Variants in PKM observed in about 807,000 individuals in gnomAD.
PKM encodes pyruvate kinase M1/2, also known as pyruvate kinase PKM.
A neutral mutation model predicts 49.8 loss-of-function variants in PKM; 18 were observed. That is an observed-to-expected ratio of 0.36 (90% CI 0.25 to 0.54). The LOEUF is 0.54. Ranked by LOEUF, PKM falls within the 20% of genes least tolerant of loss-of-function variation. PKM has a pLI of 0.89. For missense variants in PKM, 508 were observed against 713.8 expected, an observed-to-expected ratio of 0.71 and a Z score of 3.28; for synonymous variants, 239 against 261.8, an observed-to-expected ratio of 0.91 and a Z score of 0.84.
chr15:72,229,531 C>T, intron 1 of PKM: 2 of 1,283,472 alleles, frequency 1.6e-6, no homozygotes, highest in Non-Finnish European at 2.0e-6. Context: ...ATTAAGAAGC[C>T]AAGGGATGCC....
intron 1 of PKM, chr15:72,221,228 C>A (rs773706006): frequency 2.6e-6 from 4 of 1,535,544 alleles, no homozygotes; most frequent in Non-Finnish European, 3.5e-6. Context: ...CTCAGGGTGG[C>A]TCCTTGGCCT....
chr15:72,208,980 G>C, intron 5 of PKM, 89 bp from the exon 6 acceptor site: 1 of 1,383,138 alleles, frequency 7.2e-7, no homozygotes, highest in South Asian at 1.2e-5. Context: ...ACAGTGAGCT[G>C]GGAAGTGGTG....
chr15:72,225,510 G>A (rs1054769671), intron 1 of PKM, among the ~76,000 whole-genome samples: 1 of 152,118 alleles, frequency 6.6e-6, no homozygotes, highest in African/African-American at 2.4e-5. Flanking sequence ...CCCAATCACT[G>A]TCATGAACTC....
rs747321716 is a variant in PKM, at chr15:72,209,762, A to G, written c.476T>C (p.Leu159Pro). ...CACCTTGCAGATGTTCTTGTAGTCC[A>G]GCCACAGGATGTTCTCGTCACACTT... ...MEKCDENILWLDYKNICKVVE... is the reference protein window; with the variant it reads ...MEKCDENILWPDYKNICKVVE... Residue 159 changes from leucine to proline, a missense_variant, in exon 5 of 11, where the codon CTG becomes CCG. Coordinates refer to ENST00000335181, the MANE Select transcript of PKM (RefSeq NM_002654.6). 6.2e-7 allele frequency: 1 copy of G among 1,614,070 alleles called. No homozygotes were observed. The highest frequency in any genetic ancestry group is 8.5e-7 in the Non-Finnish European group (1 of 1,179,986).
chr15:72,218,825 A>C, intron 2 of PKM, 119 bp downstream of exon 2: 1 of 1,013,666 alleles, frequency 9.9e-7, no homozygotes, highest in Middle Eastern at 2.0e-4. Flanking sequence ...CTTTCATAAG[A>C]ATCTGTGTAG....
At chr15:72,226,110 TAACTC>T (rs769998754) in intron 1 of PKM, among the ~76,000 whole-genome samples, 3 of 152,234 alleles carry the variant, frequency 2.0e-5, no homozygotes, top group Non-Finnish European at 4.4e-5. Context: ...TTTCCCTGCT[TAACTC>T]AATCAAATCT....
At chr15:72,210,202 G>T in intron 4 of PKM, 145 bp downstream of exon 4, 1 of 856,142 alleles carries the variant, frequency 1.2e-6, no homozygotes, top group Admixed American at 2.2e-5. Context: ...TTACAGTGAT[G>T]AATAAATCCT....
intron 3 of PKM, among the ~76,000 whole-genome samples, chr15:72,211,049 C>T (rs1166470314): frequency 6.6e-6 from 1 of 151,926 alleles, no homozygotes. Flanking sequence ...TCACACAGAC[C>T]TGATTTTCTC....
At position 72,199,205 on chromosome 15, in the gene PKM, A is replaced by AAGGGCC. The variant is rs758754361; in HGVS notation, c.*439_*444dup. 6.2e-4 allele frequency: 222 copies of AAGGGCC among 357,394 alleles called. No homozygotes were observed. The highest frequency in any genetic ancestry group is 7.2e-4 in the Admixed American group (19 of 26,260). 22.1% of individuals were successfully genotyped at this position (357,394 alleles called of 1,614,324 possible). On this transcript the variant is annotated 3_prime_UTR_variant, in exon 11 of 11. Transcript: ENST00000335181. ...GGCCTAGAGAGCTAGAGAAGCAAGT[A>AAGGGCC]AGGGCCAGGGCCAGAGTCGGCTTCA... is the stretch of plus-strand genomic sequence containing the variant.
chr15:72,209,924 G>A lies in PKM; in HGVS notation c.379-65C>T. On this transcript the variant is annotated intron_variant, in intron 4 of 10. Transcript: ENST00000335181. ...ACCAGTAGCAGCATCACCTCAGAAG[G>A]AATGGAAAAGCTCTTTCCTCCCGGG... The A allele has an allele frequency of 2.2e-6, 3 of 1,336,194 alleles. No homozygotes were observed. In the East Asian group the frequency reaches 6.9e-5, roughly 31 times the overall value. 82.8% of individuals were successfully genotyped at this position (1,336,194 alleles called of 1,614,324 possible).
chr15:72,202,541 T>G lies in PKM; in HGVS notation c.1220A>C (p.Asp407Ala), dbSNP rs1596720182. The G allele has an allele frequency of 6.2e-7, 1 of 1,613,442 alleles. No individual in the cohort carries two copies. Residue 407 changes from aspartate (D) to alanine (A), a missense_variant, in exon 9 of 11, where the codon GAC becomes GCC. By Grantham distance (126) the Asp-to-Ala change is moderately radical. Transcript: ENST00000335181. The surrounding 1 kb of genome is among the most constrained non-coding windows in gnomAD (Gnocchi z 4.5). ...ACCCACGGCGGTGGCTTCTGTGGGG[T>G]CGCTGGTAATGGGCGCCAGGCGGCG... ...ELRRLAPITS[D>A]PTEATAVGAV...
rs2140597724 is a variant in PKM at position 72,202,402 on chromosome 15, A to G, written c.1307+52T>C. 1 of 1,565,454 alleles carries G rather than the reference A, an allele frequency of 6.4e-7. No homozygotes were observed. Among genetic ancestry groups the G allele is most frequent in the East Asian group, 2.3e-5 (1 of 43,990 alleles). On this transcript the variant is annotated intron_variant, in intron 9 of 10. Coordinates refer to ENST00000335181, the MANE Select transcript of PKM (RefSeq NM_002654.6). The surrounding 1 kb of genome is among the most constrained non-coding windows in gnomAD (Gnocchi z 4.5). ...CAATGGACTGCTCCCAGGACCCCCA[A>G]GGTGAGGTACCACTGAGCAGGGCAT...
At position 72,220,231 on chromosome 15, in the gene PKM, G is replaced by A. The variant is rs963843774; in HGVS notation, c.-13-1121C>T. ...GACCAAGGGCTACTCTTTCTAAAAC[G>A]CTTGAGCCTAAATGCTTCGGCCAAG... On this transcript the variant is annotated intron_variant, in intron 1 of 10. Coordinates refer to ENST00000335181, the MANE Select transcript of PKM (RefSeq NM_002654.6). Among the ~76,000 whole-genome samples, 11 of 152,256 alleles carry A rather than the reference G, an allele frequency of 7.2e-5. No individual in the cohort carries two copies. The South Asian group carries it at 1.2e-3, about 17-fold the overall frequency.
chr15:72,210,606 C>G, intron 3 of PKM, 128 bp from the exon 4 acceptor site: 1 of 1,018,468 alleles, frequency 9.8e-7, no homozygotes, highest in South Asian at 1.3e-5. Context: ...TATCTCCATC[C>G]TCAGCACGAT....
Position 72,200,334 on chromosome 15 carries a change from G to T in PKM, c.1489+140C>A. 1 of 752,114 alleles carries T rather than the reference G, an allele frequency of 1.3e-6. No individual in the cohort carries two copies. 46.6% of individuals were successfully genotyped at this position (752,114 alleles called of 1,614,324 possible). On this transcript the variant is annotated intron_variant, in intron 10 of 10. Coordinates refer to ENST00000335181, the MANE Select transcript of PKM (RefSeq NM_002654.6). This position sits in a 1 kb window ranked among gnomAD's most constrained non-coding sequence, Gnocchi z 4.6. ...GAATGAACATTCCCAATAAGGGAGA[G>T]GAACAGTCGCTGGGCCTTTTGCCCC...
At chr15:72,216,535 A>G (rs2082381591) in intron 3 of PKM, among the ~76,000 whole-genome samples, 1 of 152,194 alleles carries the variant, frequency 6.6e-6, no homozygotes, top group Non-Finnish European at 1.5e-5. Context: ...AGGCAAGAGG[A>G]TCACTTGAAC....
chr15:72,221,565 G>C (rs1193689470), intron 1 of PKM, among the ~76,000 whole-genome samples: 1 of 145,696 alleles, frequency 6.9e-6, no homozygotes, highest in African/African-American at 2.5e-5. Context: ...TAGGATTACA[G>C]AAAAAAAAAA....
chr15:72,214,882 A>G (rs2082339438), intron 3 of PKM, among the ~76,000 whole-genome samples: 1 of 152,096 alleles, frequency 6.6e-6, no homozygotes, highest in Non-Finnish European at 1.5e-5. Flanking sequence ...GCCCATGTGA[A>G]CTGCCAAAAG....
chr15:72,219,458 T>A (rs2082466026), intron 1 of PKM: 1 of 188,876 alleles, frequency 5.3e-6, no homozygotes, highest in Admixed American at 5.3e-5. Context: ...TCATTTAACA[T>A]GCACTGAAGG....
Sources: gnomAD v4.1 joint callset for allele counts (sites outside exome capture counted in the v4.1 genomes callset) on GRCh38, gnomAD v4.1.1 for gene constraint, Gnocchi (gnomAD v3.1) non-coding constraint, MANE v1.5 for transcripts, NCBI Gene and HGNC (gene_info 2026-07-23, HGNC 2026-07-21) for gene names.